The following CES5A variants were observed in gnomAD, a reference collection of about 807,000 sequenced individuals.
The protein encoded by CES5A is carboxylesterase 5.
In CES5A, 67 loss-of-function variants were observed where a neutral mutation model predicts 62.9. The ratio of observed to expected loss-of-function variants is 1.07; its 90% CI spans 0.88 to 1.31. The LOEUF (loss-of-function observed/expected upper bound fraction) is 1.31. Ranked by LOEUF, CES5A falls within the 50% of genes most tolerant of loss-of-function variation. The pLI is 0.00. For synonymous variants in CES5A, 296 were observed against 280.8 expected, an observed-to-expected ratio of 1.05 and a Z score of -0.54; for missense variants, 748 against 708.5, an observed-to-expected ratio of 1.06 and a Z score of -0.63.
upstream of CES5A, among the ~76,000 whole-genome samples, chr16:55,877,695 T>C (rs185455967): frequency 1.1e-4 from 16 of 152,292 alleles, no homozygotes; most frequent in Non-Finnish European, 1.8e-4. Context: ...ATTTATAGGA[T>C]GCCTTACAGG....
intron 1 of CES5A, among the ~76,000 whole-genome samples, chr16:55,908,251 G>T (rs1567350097): frequency 1.3e-5 from 2 of 152,190 alleles, no homozygotes; most frequent in East Asian, 1.9e-4. Context: ...GAACACCAGA[G>T]CCTCCTCTTC....
At chr16:55,867,728 T>A (rs1224650970) in intron 4 of CES5A, among the ~76,000 whole-genome samples, 2 of 152,226 alleles carry the variant, frequency 1.3e-5, no homozygotes, top group African/African-American at 4.8e-5. Context: ...GGCCACTTAT[T>A]ATCTGGGTGA....
At chr16:55,896,658 G>T (rs1170415400) in intron 1 of CES5A, among the ~76,000 whole-genome samples, 2 of 152,222 alleles carry the variant, frequency 1.3e-5, no homozygotes, top group Non-Finnish European at 2.9e-5. Context: ...CTGACTCTTG[G>T]CCAGTGTCTT....
intron 1 of CES5A, chr16:55,955,785 T>C: frequency 6.6e-7 from 1 of 1,515,538 alleles, no homozygotes; most frequent in Non-Finnish European, 8.9e-7. Context: ...CTCATCTTTC[T>C]CATTCCAGTG....
In CES5A at chr16:55,846,532, G is replaced by A. The variant is rs775164933; in HGVS notation, c.1647C>T (p.Ala549=). The change falls in exon 13 of 13, where the codon GCC becomes GCT. Residue 549 remains alanine (A), a synonymous_variant. Transcript: ENST00000290567. The stretch of plus-strand genomic sequence containing the variant: ...AAAGAGGACTGTGGAGCATGTCGGA[G>A]GCAGACAGGATCAGGGGGATGGTGC... ...WTSTIPLILS[A]SDMLHSPLSS... 3 of 1,614,190 alleles carry A rather than the reference G, an allele frequency of 1.9e-6. No homozygotes were observed. Among genetic ancestry groups the A allele is most frequent in the Non-Finnish European group, 2.5e-6 (3 of 1,180,038 alleles).
At position 55,849,624 on chromosome 16, in the gene CES5A, C is replaced by T. The variant is rs745736374; in HGVS notation, c.1423G>A (p.Glu475Lys). 10 of 1,613,790 alleles carry T rather than the reference C, an allele frequency of 6.2e-6. No individual in the cohort carries two copies. Among genetic ancestry groups the T allele is most frequent in the African/African-American group, 1.3e-5 (1 of 75,014 alleles). Residue 475 changes from glutamate to lysine, a missense_variant and splice_region_variant, in exon 11 of 13, where the codon GAA (glutamate) becomes AAA (lysine). Glu to Lys is a moderately conservative substitution (Grantham distance 56, BLOSUM62 1). Coordinates refer to ENST00000290567, the MANE Select transcript of CES5A (RefSeq NM_001143685.2). ...CTGTGGGAAGTGGCCAGTCCCTTACCGAACATAACAATGTCCCCCTTCAGG... is the reference window on the plus strand; with the variant it reads ...CTGTGGGAAGTGGCCAGTCCCTTACTGAACATAACAATGTCCCCCTTCAGG... ...AFLKGDIVMF[E>K]GATEEEKLLS...
intron 1 of CES5A, among the ~76,000 whole-genome samples, chr16:55,902,286 G>A (rs1158642668): frequency 1.3e-5 from 2 of 152,150 alleles, no homozygotes; most frequent in African/African-American, 4.8e-5. Context: ...ATTTTCTTAT[G>A]TGACAACTTC....
chr16:55,855,876 T>C (rs1422971805), intron 9 of CES5A, among the ~76,000 whole-genome samples: 1 of 152,170 alleles, frequency 6.6e-6, no homozygotes, highest in Non-Finnish European at 1.5e-5. Flanking sequence ...ATCTCTAATG[T>C]TGGAGGTGGG....
At position 55,854,628 on chromosome 16, in the gene CES5A, G is replaced by A. The variant is rs117022026; in HGVS notation, c.1126-1600C>T. Among the ~76,000 whole-genome samples the A allele has an allele frequency of 1.0e-4, 15 of 145,556 alleles. No homozygotes were observed. The East Asian group carries it at 3.1e-3, about 31-fold the overall frequency. ...GAGATCCTGCAGCTTCAAATTCCCAGGCTCAACAATCCTCCTGCTTGGCCT... is the reference window on the plus strand; with the variant it reads ...GAGATCCTGCAGCTTCAAATTCCCAAGCTCAACAATCCTCCTGCTTGGCCT... On this transcript the variant is annotated intron_variant, in intron 9 of 12. Transcript: ENST00000290567.
intron 2 of CES5A, among the ~76,000 whole-genome samples, chr16:55,939,421 G>C (rs2034423133): frequency 6.6e-6 from 1 of 152,182 alleles, no homozygotes; most frequent in Admixed American, 6.5e-5. Context: ...TGAGGACTCT[G>C]TATAGTAAAT....
intron 2 of CES5A, among the ~76,000 whole-genome samples, chr16:55,940,209 T>C (rs1597159109): frequency 6.6e-6 from 1 of 151,988 alleles, no homozygotes; most frequent in Non-Finnish European, 1.5e-5. Flanking sequence ...ATCAATGAAA[T>C]TGAACCTGAA....
chr16:55,952,900 TA>T (rs2034573704), intron 1 of CES5A, among the ~76,000 whole-genome samples: 2 of 152,174 alleles, frequency 1.3e-5, no homozygotes, highest in African/African-American at 4.8e-5. Context: ...AAAACTACTC[TA>T]ACTCGTTCCA....
intron 2 of CES5A, among the ~76,000 whole-genome samples, chr16:55,939,280 T>A (rs2034421607): frequency 6.6e-6 from 1 of 152,174 alleles, no homozygotes; most frequent in Non-Finnish European, 1.5e-5. Flanking sequence ...ATACATTAAC[T>A]GATCAGATCA....
upstream of CES5A, among the ~76,000 whole-genome samples, chr16:55,878,588 C>A (rs2033723016): frequency 6.7e-6 from 1 of 149,334 alleles, no homozygotes; most frequent in African/African-American, 2.5e-5. Flanking sequence ...GTACCCCCAC[C>A]ACTACCCCCA....
chr16:55,907,568 TC>T (rs1323399748), intron 1 of CES5A, among the ~76,000 whole-genome samples: 1 of 152,148 alleles, frequency 6.6e-6, no homozygotes, highest in African/African-American at 2.4e-5. Flanking sequence ...CAGAAATGTC[TC>T]AAAAAAGCAT....
intron 2 of CES5A, among the ~76,000 whole-genome samples, chr16:55,934,281 A>G (rs745403531): frequency 2.6e-5 from 4 of 152,196 alleles, no homozygotes; most frequent in Admixed American, 1.3e-4. Flanking sequence ...AAGAGAATGT[A>G]TATTATTGTT....
At chr16:55,881,847 T>C (rs2033765286) in intron 1 of CES5A, among the ~76,000 whole-genome samples, 1 of 151,946 alleles carries the variant, frequency 6.6e-6, no homozygotes, top group Non-Finnish European at 1.5e-5. Flanking sequence ...TGTGAATGAG[T>C]CTGGAATAGC....
At chr16:55,915,634 C>A (rs2034140919) in intron 1 of CES5A, among the ~76,000 whole-genome samples, 1 of 152,150 alleles carries the variant, frequency 6.6e-6, no homozygotes, top group East Asian at 1.9e-4. Context: ...CTAGAGGCCA[C>A]CTCCTCCAGG....
chr16:55,883,223 G>A (rs188991464), intron 1 of CES5A, among the ~76,000 whole-genome samples: 19 of 152,154 alleles, frequency 1.2e-4, no homozygotes, highest in Non-Finnish European at 1.3e-4. Flanking sequence ...TGAATCGAAT[G>A]GAATTGTGAA....
Sources: allele counts gnomAD v4.1 joint callset (sites outside exome capture counted in the v4.1 genomes callset), GRCh38; gene constraint gnomAD v4.1.1; transcripts MANE v1.5; gene names NCBI Gene and HGNC (gene_info 2026-07-23, HGNC 2026-07-21).